The following ATG5 variants were observed in gnomAD, a reference collection of about 807,000 sequenced individuals.
The protein encoded by ATG5 is autophagy related 5, also known as autophagy protein 5.
Under a neutral mutation model 36.5 loss-of-function variants are expected in ATG5, and 14 were observed. The observed-to-expected ratio is 0.38, with a 90% CI of 0.25 to 0.60. The LOEUF (loss-of-function observed/expected upper bound fraction) is 0.60, where lower values mean the gene tolerates loss of function less well. Among genes scored for constraint, ATG5 ranks in the 20% least tolerant of loss-of-function variants. The pLI is 0.60. For synonymous variants in ATG5, 95 were observed against 101.5 expected (o/e 0.94, Z 0.38); for missense variants, 195 against 326.7 (o/e 0.60, Z 3.11).
chr6:106,231,156 A>T (rs563630752), intron 6 of ATG5, among the ~76,000 whole-genome samples: 26 of 152,226 alleles, frequency 1.7e-4, no homozygotes. Context: ...GCCAGAGTGC[A>T]CGTACCTTTT....
chr6:106,307,361 T>G (rs955560078), intron 3 of ATG5, among the ~76,000 whole-genome samples: 4 of 152,162 alleles, frequency 2.6e-5, no homozygotes, highest in African/African-American at 9.7e-5. Context: ...CATTTCAACA[T>G]TAACATCCAG....
chr6:106,213,473 G>T (rs1343846055), intron 6 of ATG5, among the ~76,000 whole-genome samples: 1 of 152,110 alleles, frequency 6.6e-6, no homozygotes, highest in Non-Finnish European at 1.5e-5. Flanking sequence ...AATTTCAAAA[G>T]AAGATAAAAA....
intron 6 of ATG5, among the ~76,000 whole-genome samples, chr6:106,246,080 C>T (rs1346895624): frequency 6.6e-6 from 1 of 152,148 alleles, no homozygotes; most frequent in African/African-American, 2.4e-5. Context: ...TCATATCTCA[C>T]TTCTAAAACT....
At chr6:106,196,560 C>A (rs1258576373) in intron 7 of ATG5, among the ~76,000 whole-genome samples, 1 of 151,914 alleles carries the variant, frequency 6.6e-6, no homozygotes, top group Non-Finnish European at 1.5e-5. Flanking sequence ...CCCGTCTCTA[C>A]CAAATATACA....
intron 7 of ATG5, among the ~76,000 whole-genome samples, chr6:106,195,194 A>G (rs987486473): frequency 6.6e-6 from 1 of 152,232 alleles, no homozygotes; most frequent in Admixed American, 6.5e-5. Flanking sequence ...TTTGACTTTC[A>G]TATGATGAAA....
chr6:106,323,480 G>A (rs972047140), intron 1 of ATG5, among the ~76,000 whole-genome samples: 2 of 151,486 alleles, frequency 1.3e-5, no homozygotes, highest in African/African-American at 4.9e-5. Flanking sequence ...TCGTTATGTC[G>A]CCCAGGCTGG....
At chr6:106,293,234 T>C in intron 3 of ATG5, 128 bp from the exon 4 acceptor site, 1 of 734,870 alleles carries the variant, frequency 1.4e-6, no homozygotes, top group Non-Finnish European at 2.3e-6. Flanking sequence ...ACAGGAAGAC[T>C]ACATTCTACA....
At chr6:106,187,382 CTT>C (rs749652347) in intron 7 of ATG5, among the ~76,000 whole-genome samples, 32 of 152,066 alleles carry the variant, frequency 2.1e-4, no homozygotes, top group Admixed American at 1.5e-3. Flanking sequence ...CCAAATTAAA[CTT>C]AAGATTTTGT....
chr6:106,254,445 T>C (rs1461589141), intron 5 of ATG5, among the ~76,000 whole-genome samples: 1 of 152,202 alleles, frequency 6.6e-6, no homozygotes, highest in East Asian at 1.9e-4. Context: ...ACTATGAGTA[T>C]GCACATAGTA....
intron 5 of ATG5, among the ~76,000 whole-genome samples, chr6:106,273,938 T>A (rs1250377151): frequency 6.6e-6 from 1 of 152,184 alleles, no homozygotes; most frequent in Non-Finnish European, 1.5e-5. Context: ...AAAACCAGTT[T>A]TAAGTTAAAA....
chr6:106,303,829 A>G (rs889149888), intron 3 of ATG5, among the ~76,000 whole-genome samples: 13 of 152,178 alleles, frequency 8.5e-5, no homozygotes, highest in African/African-American at 3.1e-4. Context: ...ATTAGCACAG[A>G]AAAGGCATCT....
chr6:106,260,249 A>T (rs896065890), intron 5 of ATG5, among the ~76,000 whole-genome samples: 11 of 152,364 alleles, frequency 7.2e-5, no homozygotes, highest in African/African-American at 2.6e-4. Flanking sequence ...CTAGAACTTA[A>T]AGTATAATTT....
At chr6:106,264,467 T>A (rs1245062170) in intron 5 of ATG5, among the ~76,000 whole-genome samples, 1 of 151,992 alleles carries the variant, frequency 6.6e-6, no homozygotes, top group Non-Finnish European at 1.5e-5. Flanking sequence ...CAGGCCAACA[T>A]TCAAATTCAG....
intron 5 of ATG5, among the ~76,000 whole-genome samples, chr6:106,255,092 C>G (rs1778748211): frequency 6.6e-6 from 1 of 152,232 alleles, no homozygotes; most frequent in Non-Finnish European, 1.5e-5. Flanking sequence ...ATCAATTTCA[C>G]TGCATTCATC....
intron 5 of ATG5, among the ~76,000 whole-genome samples, chr6:106,256,220 A>G (rs1778793279): frequency 6.6e-6 from 1 of 152,246 alleles, no homozygotes; most frequent in African/African-American, 2.4e-5. Context: ...AGTGTAAAGT[A>G]GAAAACACTA....
At chr6:106,240,917 C>T (rs577422380) in intron 6 of ATG5, among the ~76,000 whole-genome samples, 1 of 152,310 alleles carries the variant, frequency 6.6e-6, no homozygotes, top group East Asian at 1.9e-4. Context: ...CTTTGGGAGG[C>T]CAAAGCAGGC....
chr6:106,215,288 C>A (rs1200487183), intron 6 of ATG5, among the ~76,000 whole-genome samples: 1 of 152,176 alleles, frequency 6.6e-6, no homozygotes, highest in Non-Finnish European at 1.5e-5. Context: ...AAGTGTCTAA[C>A]CCAGGGAAAA....
In ATG5 at chr6:106,274,585, T is replaced by C. The variant is rs80142480; in HGVS notation, c.478+5076A>G. ...ATTGCACTAACAGAAAGGTTTAATA[T>C]CTCTGACTTCACAAATTAATAAAAA... On this transcript the variant is annotated intron_variant, in intron 5 of 7. Coordinates refer to ENST00000369076, the MANE Select transcript of ATG5 (RefSeq NM_004849.4). 4.5e-4 allele frequency among the ~76,000 whole-genome samples: 69 copies of C among 152,282 alleles called. No homozygotes were observed. In the East Asian group the frequency reaches 5.2e-3, roughly 11 times the overall value.
intron 5 of ATG5, among the ~76,000 whole-genome samples, chr6:106,256,746 G>A (rs1415116370): frequency 3.3e-5 from 5 of 152,082 alleles, no homozygotes; most frequent in South Asian, 2.1e-4. Context: ...TATAGTGCAC[G>A]TACCATCAAT....
Sources: allele counts gnomAD v4.1 joint callset (sites outside exome capture counted in the v4.1 genomes callset), GRCh38; gene constraint gnomAD v4.1.1; transcripts MANE v1.5; gene names NCBI Gene and HGNC (gene_info 2026-07-23, HGNC 2026-07-21).